ACYP2: variants seen among roughly 807,000 people sequenced by gnomAD.
The protein encoded by ACYP2 is acylphosphatase 2, also known as acylphosphatase-2.
ACYP2 carries 12 observed loss-of-function variants against 11.2 expected under a neutral mutation model. That is an observed-to-expected ratio of 1.08 (90% confidence interval 0.69 to 1.74). ACYP2 has a LOEUF of 1.74. Ranked by LOEUF, ACYP2 falls within the 40% of genes most tolerant of loss-of-function variation. The pLI is 0.00. For synonymous variants in ACYP2, 43 were observed against 32.2 expected, an observed-to-expected ratio of 1.33 and a Z score of -1.13; for missense variants, 134 against 101.9, an observed-to-expected ratio of 1.31 and a Z score of -1.35.
intron 6 of ACYP2, among the ~76,000 whole-genome samples, chr2:54,195,349 T>C (rs559758046): frequency 8.3e-4 from 127 of 152,308 alleles, no homozygotes; most frequent in South Asian, 2.9e-3. Flanking sequence ...ATTTTAGATA[T>C]ATATCCTTTG....
chr2:54,165,981 AAC>A (rs531319352), intron 6 of ACYP2, among the ~76,000 whole-genome samples: 6 of 152,164 alleles, frequency 3.9e-5, no homozygotes, highest in Non-Finnish European at 8.8e-5. Flanking sequence ...AATCCACCAA[AAC>A]ACACACATGT....
chr2:54,039,693 C>T (rs1675117378), intron 2 of ACYP2, among the ~76,000 whole-genome samples: 1 of 152,162 alleles, frequency 6.6e-6, no homozygotes, highest in East Asian at 1.9e-4. Flanking sequence ...TCTGGGATTA[C>T]AGGCATGAGC....
intron 6 of ACYP2, among the ~76,000 whole-genome samples, chr2:54,163,154 C>T (rs1682800656): frequency 6.6e-6 from 1 of 152,118 alleles, no homozygotes; most frequent in Non-Finnish European, 1.5e-5. Flanking sequence ...ATGGATTTTG[C>T]TTGTCCCCGG....
intron 2 of ACYP2, among the ~76,000 whole-genome samples, chr2:54,009,378 A>G (rs1023262449): frequency 1.3e-5 from 2 of 151,810 alleles, no homozygotes; most frequent in South Asian, 2.1e-4. Flanking sequence ...GGCCAACATG[A>G]TGAAACCCTG....
chr2:54,225,427 G>A (rs916506094), intron 6 of ACYP2, among the ~76,000 whole-genome samples: 13 of 152,164 alleles, frequency 8.5e-5, no homozygotes, highest in African/African-American at 3.1e-4. Context: ...ACAAAATCCT[G>A]TAATAACACT....
chr2:54,256,002 T>G (rs761238146), intron 6 of ACYP2: 2 of 1,613,796 alleles, frequency 1.2e-6, no homozygotes, highest in African/African-American at 2.7e-5. Context: ...GCCGGGGCGG[T>G]GGGAACACGA....
chr2:54,254,590 G>C, intron 6 of ACYP2: 1 of 251,342 alleles, frequency 4.0e-6, no homozygotes, highest in Non-Finnish European at 7.6e-6. Context: ...AGTAGGAGGA[G>C]CCAGACCAGA....
In ACYP2 at chr2:54,256,215, C is replaced by G. The variant is rs1687525279; in HGVS notation, c.405-48473C>G. The G allele has an allele frequency of 1.3e-6, 2 of 1,526,612 alleles. 1 individual carries two copies. The highest frequency in any genetic ancestry group is 2.6e-5 in the South Asian group (2 of 77,136). 94.6% of individuals were successfully genotyped at this position (1,526,612 alleles called of 1,614,324 possible). A position where few individuals can be genotyped will look rare whatever the true frequency, so the allele number is the denominator to read the frequency against. On this transcript the variant is annotated intron_variant, in intron 6 of 6. Coordinates refer to ENST00000607452, the MANE Select transcript of ACYP2 (RefSeq NM_001320586.2). The stretch of plus-strand genomic sequence containing the variant: ...CCAGAGGTAGGTAGCGTCAACGTTC[C>G]TCACACAAAATGGCGAGTAAACACC...
At chr2:54,027,614 A>G (rs1183161110) in intron 2 of ACYP2, among the ~76,000 whole-genome samples, 1 of 152,106 alleles carries the variant, frequency 6.6e-6, no homozygotes, top group Non-Finnish European at 1.5e-5. Flanking sequence ...GTCTTTTATT[A>G]TAGAGGTCTC....
chr2:54,170,568 T>G (rs1683181211), intron 6 of ACYP2, among the ~76,000 whole-genome samples: 1 of 77,978 alleles, frequency 1.3e-5, no homozygotes, highest in Non-Finnish European at 2.6e-5. Flanking sequence ...TAAAACAGTT[T>G]TTTTTTTTTT....
intron 6 of ACYP2, among the ~76,000 whole-genome samples, chr2:54,232,348 G>C (rs1047465018): frequency 3.9e-5 from 6 of 152,116 alleles, no homozygotes; most frequent in African/African-American, 1.4e-4. Context: ...GACCAGTGTA[G>C]GTCTTGTGCT....
In ACYP2 at chr2:54,012,796, A is replaced by G. The variant is rs1558471047; in HGVS notation, c.63-38162A>G. On this transcript the variant is annotated intron_variant, in intron 2 of 6. Coordinates refer to ENST00000607452, the MANE Select transcript of ACYP2 (RefSeq NM_001320586.2). ...CTCAACTAGCAGCCAGAGTTTTCCT[A>G]TTAAAAGCTAAGCCAGGTCAAGTCA... Among the ~76,000 whole-genome samples the G allele has an allele frequency of 2.6e-5, 4 of 152,126 alleles. No individual in the cohort carries two copies. The South Asian group carries it at 6.2e-4, about 24-fold the overall frequency.
At chr2:54,079,606 G>C (rs572952085) in intron 4 of ACYP2, among the ~76,000 whole-genome samples, 1 of 152,318 alleles carries the variant, frequency 6.6e-6, no homozygotes, top group East Asian at 1.9e-4. Flanking sequence ...TTTCAGAGCA[G>C]AGGGATGGAA....
intron 6 of ACYP2, among the ~76,000 whole-genome samples, chr2:54,285,855 T>A (rs1265865733): frequency 3.3e-5 from 5 of 152,208 alleles, no homozygotes; most frequent in African/African-American, 1.2e-4. Flanking sequence ...TTAGCATCCA[T>A]CTTGGGTTAT....
intron 6 of ACYP2, among the ~76,000 whole-genome samples, chr2:54,252,822 T>C (rs1310466865): frequency 1.3e-5 from 2 of 150,672 alleles, no homozygotes; most frequent in South Asian, 2.1e-4. Flanking sequence ...GAGAACGGTA[T>C]GAACCTGGGA....
intron 1 of ACYP2, among the ~76,000 whole-genome samples, chr2:53,973,106 C>G (rs770515498): frequency 2.0e-5 from 3 of 152,094 alleles, no homozygotes; most frequent in Non-Finnish European, 4.4e-5. Flanking sequence ...CTGGGTGTCT[C>G]ATGGAGAAGC....
chr2:54,020,670 C>G (rs896920554), intron 2 of ACYP2, among the ~76,000 whole-genome samples: 1 of 152,088 alleles, frequency 6.6e-6, no homozygotes, highest in Non-Finnish European at 1.5e-5. Flanking sequence ...ATTAGTTGTG[C>G]GAGAATCCAT....
intron 4 of ACYP2, among the ~76,000 whole-genome samples, chr2:54,098,688 G>C (rs1452987796): frequency 6.7e-6 from 1 of 149,834 alleles, no homozygotes. Context: ...ACTAACCTCT[G>C]CTACTGTGCT....
chr2:54,254,122 AC>A (rs1687365598), intron 6 of ACYP2: 1 of 152,112 alleles, frequency 6.6e-6, no homozygotes, highest in South Asian at 2.1e-4. Context: ...CAACATATTA[AC>A]CTTGCCATGA....
Sources: allele counts gnomAD v4.1 joint callset (sites outside exome capture counted in the v4.1 genomes callset), GRCh38; gene constraint gnomAD v4.1.1; transcripts MANE v1.5; gene names NCBI Gene and HGNC (gene_info 2026-07-23, HGNC 2026-07-21).